Variants in FAM53B observed in about 807,000 individuals in gnomAD.
FAM53B encodes the protein protein FAM53B.
FAM53B carries 12 observed loss-of-function variants against 32.7 expected under a neutral mutation model. That is an observed-to-expected ratio of 0.37 (90% confidence interval 0.24 to 0.59). FAM53B has a LOEUF of 0.59. FAM53B is among the 20% of genes least tolerant of loss of function. The probability of loss-of-function intolerance (pLI) is 0.72; values close to 1 mark genes in which losing one functional copy is unlikely to be tolerated. For synonymous variants in FAM53B, 234 were observed against 228.7 expected, an observed-to-expected ratio of 1.02 and a Z score of -0.21; for missense variants, 477 against 577.7, an observed-to-expected ratio of 0.83 and a Z score of 1.79.
At chr10:124,681,472 G>T in intron 4 of FAM53B, 135 bp downstream of exon 4, 1 of 742,530 alleles carries the variant, frequency 1.3e-6, no homozygotes, top group East Asian at 2.7e-5. Context: ...CTTTGAATAG[G>T]ATTTAAAAAA....
intron 4 of FAM53B, among the ~76,000 whole-genome samples, chr10:124,632,044 G>A (rs1949394359): frequency 6.6e-6 from 1 of 152,216 alleles, no homozygotes; most frequent in Non-Finnish European, 1.5e-5. Flanking sequence ...CAGCCCTGGG[G>A]TCCTGAGGCC....
chr10:124,734,195 G>C (rs1950161634), intron 1 of FAM53B, among the ~76,000 whole-genome samples: 1 of 152,202 alleles, frequency 6.6e-6, no homozygotes, highest in Non-Finnish European at 1.5e-5. Context: ...GCACATAGTA[G>C]AACCTCAATA....
At chr10:124,625,047 TG>T (rs1157039652) in intron 4 of FAM53B, among the ~76,000 whole-genome samples, 3 of 152,226 alleles carry the variant, frequency 2.0e-5, no homozygotes, top group African/African-American at 7.2e-5. Context: ...GCCGCACGCC[TG>T]CTGACGCCAA....
At chr10:124,702,865 C>T (rs979981536) in intron 2 of FAM53B, among the ~76,000 whole-genome samples, 4 of 152,146 alleles carry the variant, frequency 2.6e-5, no homozygotes, top group African/African-American at 9.7e-5. Context: ...GTGGCCTCCC[C>T]ATGGTGATCA....
Position 124,639,163 on chromosome 10 carries a change from G to A in FAM53B, c.907-15559C>T, listed in dbSNP as rs576343999. 5.3e-5 allele frequency among the ~76,000 whole-genome samples: 8 copies of A among 152,310 alleles called. No homozygotes were observed. The East Asian group carries it at 1.5e-3, about 29-fold the overall frequency. The stretch of plus-strand genomic sequence containing the variant: ...CACCTGACAGGGAGCCCCTAGTTCA[G>A]GGCTTCTGGACCACAGGGATTCAGA... On this transcript the variant is annotated intron_variant, in intron 4 of 4. Coordinates refer to ENST00000337318, the MANE Select transcript of FAM53B (RefSeq NM_014661.4).
chr10:124,645,974 C>G (rs537008129), intron 4 of FAM53B, among the ~76,000 whole-genome samples: 15 of 152,262 alleles, frequency 9.9e-5, no homozygotes, highest in Non-Finnish European at 7.4e-5. Flanking sequence ...TGCCACTGCC[C>G]AATTCAGAAG....
chr10:124,634,301 G>A (rs1300861414), intron 4 of FAM53B, among the ~76,000 whole-genome samples: 3 of 152,198 alleles, frequency 2.0e-5, no homozygotes, highest in Non-Finnish European at 4.4e-5. Flanking sequence ...GAAGCCAGAC[G>A]CAAAAGGCCA....
At chr10:124,670,682 C>A (rs991012834) in intron 4 of FAM53B, among the ~76,000 whole-genome samples, 3 of 152,220 alleles carry the variant, frequency 2.0e-5, no homozygotes, top group Non-Finnish European at 2.9e-5. Flanking sequence ...CTTTGCAAAG[C>A]TGAACACATC....
intron 4 of FAM53B, among the ~76,000 whole-genome samples, chr10:124,650,760 C>T (rs551003768): frequency 7.2e-5 from 11 of 152,122 alleles, no homozygotes; most frequent in Non-Finnish European, 1.2e-4. Flanking sequence ...GACTATTTCC[C>T]CAGTACAATG....
intron 1 of FAM53B, among the ~76,000 whole-genome samples, chr10:124,727,558 C>T (rs1950114148): frequency 1.3e-5 from 2 of 152,114 alleles, no homozygotes; most frequent in Admixed American, 1.3e-4. Context: ...TGACCTTGAG[C>T]ACTGCAAACA....
At chr10:124,628,265 T>G (rs1252719641) in intron 4 of FAM53B, among the ~76,000 whole-genome samples, 2 of 152,182 alleles carry the variant, frequency 1.3e-5, no homozygotes, top group African/African-American at 4.8e-5. Context: ...CTAGAACTCA[T>G]GAGCTACGGC....
At chr10:124,656,904 G>C (rs989518291) in intron 4 of FAM53B, among the ~76,000 whole-genome samples, 10 of 151,792 alleles carry the variant, frequency 6.6e-5, no homozygotes, top group Non-Finnish European at 8.8e-5. Context: ...TGGGGGGAGA[G>C]GGGAGGGATA....
Position 124,682,404 on chromosome 10 carries a change from A to G in FAM53B, c.134-25T>C, listed in dbSNP as rs1949779468. ...TCTGGTTCATAAATGACAAGGAGAA[A>G]ACAGGATTTGAGAAGACCTTCACTC... is the stretch of plus-strand genomic sequence containing the variant. On this transcript the variant is annotated intron_variant, in intron 3 of 4. Transcript: ENST00000337318. This position sits in a 1 kb window ranked among gnomAD's most constrained non-coding sequence, Gnocchi z 5.2. 1 of 1,573,666 alleles carries G rather than the reference A, an allele frequency of 6.4e-7. No individual in the cohort carries two copies. The highest frequency in any genetic ancestry group is 8.6e-7 in the Non-Finnish European group (1 of 1,159,158).
intron 1 of FAM53B, among the ~76,000 whole-genome samples, chr10:124,709,057 A>T (rs1949981185): frequency 6.6e-6 from 1 of 152,244 alleles, no homozygotes; most frequent in South Asian, 2.1e-4. Flanking sequence ...CTCATCCAGG[A>T]GAGTGCTCAA....
intron 3 of FAM53B, among the ~76,000 whole-genome samples, chr10:124,688,458 G>A (rs931184307): frequency 1.3e-5 from 2 of 152,188 alleles, no homozygotes; most frequent in African/African-American, 4.8e-5. Flanking sequence ...AAACACACAA[G>A]AGCCTTTGCC....
intron 4 of FAM53B, among the ~76,000 whole-genome samples, chr10:124,627,581 G>A (rs965622929): frequency 2.6e-5 from 4 of 152,138 alleles, no homozygotes; most frequent in African/African-American, 9.7e-5. Context: ...CAGGTAAAAA[G>A]CTCAGTGGGA....
At chr10:124,623,644 C>A (rs1297168704) in intron 4 of FAM53B, 40 bp from the exon 5 acceptor site, 1 of 1,574,314 alleles carries the variant, frequency 6.4e-7, no homozygotes. Flanking sequence ...AGGGTTACTC[C>A]CCTCCCGCAG....
At chr10:124,640,194 T>C (rs1949461406) in intron 4 of FAM53B, among the ~76,000 whole-genome samples, 1 of 152,220 alleles carries the variant, frequency 6.6e-6, no homozygotes, top group South Asian at 2.1e-4. Context: ...GGCTGCACCT[T>C]GCTACAGGTG....
chr10:124,678,050 CAAAG>C (rs937241988), intron 4 of FAM53B, among the ~76,000 whole-genome samples: 4 of 152,166 alleles, frequency 2.6e-5, no homozygotes, highest in African/African-American at 4.8e-5. Flanking sequence ...ACAAACAAGA[CAAAG>C]AAAGTGGCGT....
Sources: allele counts gnomAD v4.1 joint callset (sites outside exome capture counted in the v4.1 genomes callset), GRCh38; gene constraint gnomAD v4.1.1; non-coding constraint Gnocchi (gnomAD v3.1); transcripts MANE v1.5; gene names NCBI Gene and HGNC (gene_info 2026-07-23, HGNC 2026-07-21).